The following B3GAT2 variants were observed in gnomAD, a reference collection of about 807,000 sequenced individuals.
B3GAT2 encodes the protein beta-1,3-glucuronyltransferase 2.
Under a neutral mutation model 27.8 loss-of-function variants are expected in B3GAT2, and 26 were observed. That is an observed-to-expected ratio of 0.93 (90% CI 0.68 to 1.30). The LOEUF (loss-of-function observed/expected upper bound fraction) is 1.30. B3GAT2 is among the 50% of genes most tolerant of loss of function. B3GAT2 has a pLI of 0.00. For missense variants in B3GAT2, 458 were observed against 459.0 expected (o/e 1.00, Z 0.02); for synonymous variants, 218 against 195.1 (o/e 1.12, Z -0.98).
intron 1 of B3GAT2, among the ~76,000 whole-genome samples, chr6:70,929,295 T>C (rs909151949): frequency 1.8e-5 from 2 of 112,798 alleles, no homozygotes; most frequent in Admixed American, 1.0e-4. Context: ...CATGTATACA[T>C]ATGTAAAAAC....
chr6:70,897,171 T>C (rs1425574166), intron 1 of B3GAT2, among the ~76,000 whole-genome samples: 1 of 152,206 alleles, frequency 6.6e-6, no homozygotes, highest in East Asian at 1.9e-4. Context: ...CTAATATGCT[T>C]ACTGCTATCT....
intron 1 of B3GAT2, among the ~76,000 whole-genome samples, chr6:70,906,645 A>G (rs985356072): frequency 2.0e-5 from 3 of 152,166 alleles, no homozygotes; most frequent in African/African-American, 7.2e-5. Context: ...GCCTTATAGC[A>G]AGTTTTGAGA....
intron 2 of B3GAT2, among the ~76,000 whole-genome samples, chr6:70,869,253 G>T (rs1771897815): frequency 6.6e-6 from 1 of 152,104 alleles, no homozygotes; most frequent in Admixed American, 6.5e-5. Flanking sequence ...GGGCTCGAGG[G>T]ATGCTCCTGC....
At position 70,902,617 on chromosome 6, in the gene B3GAT2, GATATATATATAT is replaced by G. The variant is rs61150776; in HGVS notation, c.592-8357_592-8346del. 3.3e-3 allele frequency among the ~76,000 whole-genome samples: 410 copies of G among 125,284 alleles called. 4 individuals are homozygous for G. The highest frequency in any genetic ancestry group is 0.012 in the South Asian group (44 of 3,792). 82.2% of individuals were successfully genotyped at this position (125,284 alleles called of 152,430 possible). A position where few individuals can be genotyped will look rare whatever the true frequency, so the allele number is the denominator to read the frequency against. On this transcript the variant is annotated intron_variant, in intron 1 of 3. Coordinates refer to ENST00000230053, the MANE Select transcript of B3GAT2 (RefSeq NM_080742.3). ...ACAGATGAATGGATTAAGAAAATGG[GATATATATATAT>G]ATATATATACACACACACACACACA... is the stretch of plus-strand genomic sequence containing the variant.
chr6:70,915,833 G>A (rs1439675120), intron 1 of B3GAT2, among the ~76,000 whole-genome samples: 5 of 152,194 alleles, frequency 3.3e-5, no homozygotes, highest in Non-Finnish European at 7.3e-5. Flanking sequence ...AAGTCAGGTA[G>A]TGTGATGCCT....
At chr6:70,917,968 C>T (rs917143566) in intron 1 of B3GAT2, among the ~76,000 whole-genome samples, 20 of 152,056 alleles carry the variant, frequency 1.3e-4, no homozygotes, top group Admixed American at 3.3e-4. Context: ...CTTTCTGTCT[C>T]GTTGATCCAT....
rs2150046915 is a variant in B3GAT2 at position 70,934,450 on chromosome 6, C to T, written c.591+21389G>A. On this transcript the variant is annotated intron_variant, in intron 1 of 3. Transcript: ENST00000230053. ...CCTGTATTGTTATTAAATGCACTGT[C>T]CCACCTAATATAACCTCCAGGGCAC... Among the ~76,000 whole-genome samples the T allele has an allele frequency of 2.0e-5, 3 of 147,150 alleles. No homozygotes were observed. The South Asian group carries it at 6.7e-4, about 33-fold the overall frequency.
At chr6:70,883,674 T>C (rs145942672) in intron 2 of B3GAT2, among the ~76,000 whole-genome samples, 37 of 152,272 alleles carry the variant, frequency 2.4e-4, no homozygotes, top group Non-Finnish European at 4.7e-4. Flanking sequence ...TGTGAATGAA[T>C]TGAATACCAC....
chr6:70,939,705 A>G (rs73489528), intron 1 of B3GAT2, among the ~76,000 whole-genome samples: 72,296 of 148,072 alleles, frequency 0.49, 18,211 homozygotes, highest in East Asian at 0.69. Flanking sequence ...ATGAGAACAC[A>G]GACACAGGAA....
At chr6:70,943,791 G>A (rs1443997773) in intron 1 of B3GAT2, among the ~76,000 whole-genome samples, 1 of 152,018 alleles carries the variant, frequency 6.6e-6, no homozygotes, top group Non-Finnish European at 1.5e-5. Flanking sequence ...ATATTATCAG[G>A]AGAAAAAAGG....
rs574080054 is a variant in B3GAT2 at position 70,957,020 on chromosome 6, C to T, written c.-591G>A. ...CCGCAGCGGAAGCCTGCTCTCAGTC[C>T]CTTGCTCTTGTCTTCTCAGAACCTC... On this transcript the variant is annotated 5_prime_UTR_variant, in exon 1 of 4. Transcript: ENST00000230053. The T allele has an allele frequency of 6.0e-6, 6 of 993,742 alleles. No homozygotes were observed. Among genetic ancestry groups the T allele is most frequent in the Admixed American group, 5.9e-5 (1 of 17,064 alleles). 61.6% of individuals were successfully genotyped at this position (993,742 alleles called of 1,614,324 possible).
At chr6:70,948,470 TC>T (rs1343346249) in intron 1 of B3GAT2, among the ~76,000 whole-genome samples, 4 of 111,432 alleles carry the variant, frequency 3.6e-5, no homozygotes, top group African/African-American at 1.4e-4. Context: ...ATGAGTGAAC[TC>T]CCATGCACAA....
At chr6:70,910,833 A>T (rs994397811) in intron 1 of B3GAT2, among the ~76,000 whole-genome samples, 8 of 152,134 alleles carry the variant, frequency 5.3e-5, no homozygotes, top group Admixed American at 1.3e-4. Flanking sequence ...CCTCGTCAAC[A>T]TCTGCTATTT....
chr6:70,883,982 A>G (rs1208625250), intron 2 of B3GAT2, among the ~76,000 whole-genome samples: 1 of 151,476 alleles, frequency 6.6e-6, no homozygotes, highest in East Asian at 1.9e-4. Flanking sequence ...CTGGGAAAGG[A>G]CTGTGACCAC....
chr6:70,915,713 AG>A (rs1368264022), intron 1 of B3GAT2, among the ~76,000 whole-genome samples: 1 of 152,166 alleles, frequency 6.6e-6, no homozygotes, highest in Non-Finnish European at 1.5e-5. Context: ...AGATGGTTGT[AG>A]ATGTGTGGTG....
intron 1 of B3GAT2, among the ~76,000 whole-genome samples, chr6:70,937,588 C>T (rs1207305665): frequency 6.6e-6 from 1 of 151,936 alleles, no homozygotes; most frequent in Non-Finnish European, 1.5e-5. Flanking sequence ...GGATGCAAGG[C>T]TGGTTCAATA....
chr6:70,938,704 T>C (rs976271352), intron 1 of B3GAT2, among the ~76,000 whole-genome samples: 1 of 152,024 alleles, frequency 6.6e-6, no homozygotes, highest in African/African-American at 2.4e-5. Flanking sequence ...TAGCCATATG[T>C]AGAAAGCTGA....
chr6:70,860,377 C>G lies in B3GAT2; in HGVS notation c.*1286G>C. 1 of 1,571,624 alleles carries G rather than the reference C, an allele frequency of 6.4e-7. No individual in the cohort carries two copies. Among genetic ancestry groups the G allele is most frequent in the Non-Finnish European group, 8.6e-7 (1 of 1,159,602 alleles). On this transcript the variant is annotated 3_prime_UTR_variant, in exon 4 of 4. Coordinates refer to ENST00000230053, the MANE Select transcript of B3GAT2 (RefSeq NM_080742.3). Reference sequence around the variant, plus strand: ...TCATCCAGAACTACCACCTGACATTCCTTGCTGAAACGCATCTAGTTCCCC... The same window carrying G: ...TCATCCAGAACTACCACCTGACATTGCTTGCTGAAACGCATCTAGTTCCCC...
chr6:70,911,192 G>A (rs761726081), intron 1 of B3GAT2, among the ~76,000 whole-genome samples: 2 of 151,650 alleles, frequency 1.3e-5, no homozygotes, highest in Admixed American at 1.3e-4. Flanking sequence ...CCGTTTTTTT[G>A]TTGCAATTGC....
Sources: allele counts gnomAD v4.1 joint callset (sites outside exome capture counted in the v4.1 genomes callset), GRCh38; gene constraint gnomAD v4.1.1; transcripts MANE v1.5; gene names NCBI Gene and HGNC (gene_info 2026-07-23, HGNC 2026-07-21).